DNAJC7: variants seen among roughly 807,000 people sequenced by gnomAD.
The protein encoded by DNAJC7 is DnaJ heat shock protein family (Hsp40) member C7, also known as dnaJ homolog subfamily C member 7.
Under a neutral mutation model 67.4 loss-of-function variants are expected in DNAJC7, and 18 were observed. The ratio of observed to expected loss-of-function variants is 0.27; its 90% CI spans 0.18 to 0.40. The LOEUF (loss-of-function observed/expected upper bound fraction) is 0.40, where lower values mean the gene tolerates loss of function less well. DNAJC7 is among the 10% of genes least tolerant of loss of function. DNAJC7 has a pLI of 1.00. For missense variants in DNAJC7, 419 were observed against 613.8 expected (o/e 0.68, Z 3.35); for synonymous variants, 220 against 207.8 (o/e 1.06, Z -0.50).
chr17:41,980,539 C>A (rs782731859), intron 12 of DNAJC7, among the ~76,000 whole-genome samples: 2 of 152,182 alleles, frequency 1.3e-5, no homozygotes, highest in Non-Finnish European at 2.9e-5. Flanking sequence ...GCATGCACCA[C>A]CATGCTCAGC....
chr17:41,986,895 T>C (rs1397245353), intron 9 of DNAJC7, among the ~76,000 whole-genome samples: 1 of 152,214 alleles, frequency 6.6e-6, no homozygotes, highest in Non-Finnish European at 1.5e-5. Context: ...ACAAGGAAGC[T>C]TAAACTACTG....
chr17:42,017,290 G>A (rs1555652097), intron 1 of DNAJC7, 50 bp downstream of exon 1: 2 of 1,608,518 alleles, frequency 1.2e-6, no homozygotes, highest in South Asian at 1.1e-5. Context: ...GAGTTTCCCT[G>A]AGCCACGGAG....
chr17:41,982,975 A>T (rs1192601614), intron 10 of DNAJC7, among the ~76,000 whole-genome samples: 1 of 151,532 alleles, frequency 6.6e-6, no homozygotes, highest in Non-Finnish European at 1.5e-5. Context: ...AAAAAAAAAG[A>T]AAAAGAAAAA....
chr17:41,985,608 G>A (rs577668275), intron 9 of DNAJC7: 1 of 152,234 alleles, frequency 6.6e-6, no homozygotes, highest in Admixed American at 6.5e-5. Flanking sequence ...TTGTTTTAAA[G>A]TTGAAGTAGA....
chr17:42,005,205 T>C (rs1239415407), intron 1 of DNAJC7, among the ~76,000 whole-genome samples: 2 of 152,232 alleles, frequency 1.3e-5, no homozygotes, highest in African/African-American at 4.8e-5. Flanking sequence ...AATCATTTGG[T>C]ATCACACAGG....
chr17:41,993,419 A>G (rs1259978593), intron 5 of DNAJC7, among the ~76,000 whole-genome samples: 2 of 152,222 alleles, frequency 1.3e-5, no homozygotes, highest in African/African-American at 4.8e-5. Context: ...AGATCCCGCC[A>G]CTGCACTCCA....
intron 2 of DNAJC7, among the ~76,000 whole-genome samples, chr17:42,000,159 C>A (rs1021832377): frequency 6.8e-6 from 1 of 147,480 alleles, no homozygotes; most frequent in East Asian, 2.0e-4. Context: ...TGCTTTGTTG[C>A]CCAGGTTGGA....
intron 1 of DNAJC7, chr17:42,016,144 C>T (rs2052277088): frequency 6.6e-6 from 1 of 152,204 alleles, no homozygotes; most frequent in African/African-American, 2.4e-5. Context: ...TACACTTTGT[C>T]AGGCCCCTCA....
rs1005228594 is a variant in DNAJC7 at position 42,017,402 on chromosome 17, C to G, written c.15G>C (p.Ala5=). 3 of 1,608,550 alleles carry G rather than the reference C, an allele frequency of 1.9e-6. No individual in the cohort carries two copies. Among genetic ancestry groups the G allele is most frequent in the Middle Eastern group, 3.3e-4 (2 of 6,062 alleles). MAAA[A]ECDVVMAATE... ...TCGCCGCCATTACCACATCGCACTCCGCGGCAGCCGCCATCTTACCGCCGG... is the reference window on the plus strand; with the variant it reads ...TCGCCGCCATTACCACATCGCACTCGGCGGCAGCCGCCATCTTACCGCCGG... The change falls in exon 1 of 14, where the codon GCG becomes GCC. Residue 5 remains alanine (A), a synonymous_variant. Coordinates refer to ENST00000457167, the MANE Select transcript of DNAJC7 (RefSeq NM_003315.4).
Position 42,008,723 on chromosome 17 carries a change from T to C in DNAJC7, c.78-8153A>G, listed in dbSNP as rs545294935. The stretch of plus-strand genomic sequence containing the variant: ...CCGCGCCGGGTCAGACATATATTTT[T>C]TGAGACAGACTCTCACTCTTGTTGC... On this transcript the variant is annotated intron_variant, in intron 1 of 13. Transcript: ENST00000457167. Among the ~76,000 whole-genome samples the C allele has an allele frequency of 5.9e-5, 9 of 151,940 alleles. No individual in the cohort carries two copies. In the South Asian group the frequency reaches 8.3e-4, roughly 14 times the overall value.
At chr17:42,010,120 G>C (rs1217166809) in intron 1 of DNAJC7, among the ~76,000 whole-genome samples, 4 of 151,724 alleles carry the variant, frequency 2.6e-5, no homozygotes, top group Non-Finnish European at 5.9e-5. Flanking sequence ...CTCCAGCCTG[G>C]AGACACAGCA....
chr17:42,017,245 G>C, intron 1 of DNAJC7, 95 bp downstream of exon 1: 1 of 1,601,174 alleles, frequency 6.2e-7, no homozygotes, highest in East Asian at 2.2e-5. Flanking sequence ...GCGGGGCATC[G>C]CCTCAACAGC....
At chr17:41,980,621 C>T (rs1157488955) in intron 12 of DNAJC7, among the ~76,000 whole-genome samples, 1 of 151,294 alleles carries the variant, frequency 6.6e-6, no homozygotes, top group Admixed American at 6.6e-5. Context: ...TGGTCTTGAA[C>T]TCCTGAGCTC....
chr17:42,015,580 C>A (rs2052245158), intron 1 of DNAJC7: 1 of 151,966 alleles, frequency 6.6e-6, no homozygotes, highest in East Asian at 1.9e-4. Context: ...CACAGTAGCT[C>A]ACGCCTGTAA....
At chr17:42,010,416 C>G (rs532134647) in intron 1 of DNAJC7, among the ~76,000 whole-genome samples, 1 of 152,128 alleles carries the variant, frequency 6.6e-6, no homozygotes, top group African/African-American at 2.4e-5. Context: ...TGCTTGAACC[C>G]GGGAGGCGGA....
At chr17:41,986,260 G>A (rs2051376508) in intron 9 of DNAJC7, among the ~76,000 whole-genome samples, 1 of 151,796 alleles carries the variant, frequency 6.6e-6, no homozygotes. Flanking sequence ...CAGCTACTTC[G>A]GAGGCTGAAG....
At chr17:41,997,553 C>T (rs1291180611) in intron 2 of DNAJC7, among the ~76,000 whole-genome samples, 8 of 152,090 alleles carry the variant, frequency 5.3e-5, no homozygotes, top group Non-Finnish European at 1.2e-4. Context: ...CCCAAGAGCA[C>T]ATCACTGCAC....
chr17:41,989,547 G>A lies in DNAJC7; in HGVS notation c.610C>T (p.Arg204Ter). 1.9e-6 allele frequency: 3 copies of A among 1,613,906 alleles called. No individual in the cohort carries two copies. The highest frequency in any genetic ancestry group is 2.5e-6 in the Non-Finnish European group (3 of 1,179,866). ...EAQSVASDILRMDSTNADALY... is the reference protein window; with the variant it reads ...EAQSVASDIL ...GCATCTGCATTGGTGGAATCCATTCGTAGAATGTCACTGCAATAGTCAGAA... is the reference window on the plus strand; with the variant it reads ...GCATCTGCATTGGTGGAATCCATTCATAGAATGTCACTGCAATAGTCAGAA... The change falls in exon 7 of 14, where the codon CGA becomes TGA. Residue 204 changes from arginine to a stop codon, truncating the protein, a stop_gained. Transcript: ENST00000457167. LOFTEE classifies it high-confidence loss of function.
rs781839314 is a variant in DNAJC7, at chr17:42,017,379, G to A, written c.38C>T (p.Ala13Val). 4 of 1,610,266 alleles carry A rather than the reference G, an allele frequency of 2.5e-6. No individual in the cohort carries two copies. In the Admixed American group the frequency reaches 5.0e-5, roughly 20 times the overall value. Reference sequence around the variant, plus strand: ...GTCGTCGAGCAGCTCCGGCTCGGTCGCCGCCATTACCACATCGCACTCCGC... The same window carrying A: ...GTCGTCGAGCAGCTCCGGCTCGGTCACCGCCATTACCACATCGCACTCCGC... ...AAAECDVVMAATEPELLDDQE... is the reference protein window; with the variant it reads ...AAAECDVVMAVTEPELLDDQE... The change falls in exon 1 of 14, where the codon GCG (alanine) becomes GTG (valine). Residue 13 changes from alanine to valine, a missense_variant. By Grantham distance (64) the Ala-to-Val change is moderately conservative (BLOSUM62 0). Transcript: ENST00000457167.
Sources: allele counts gnomAD v4.1 joint callset (sites outside exome capture counted in the v4.1 genomes callset), GRCh38; gene constraint gnomAD v4.1.1; transcripts MANE v1.5; gene names NCBI Gene and HGNC (gene_info 2026-07-23, HGNC 2026-07-21).